Variants in RNF217 observed in about 807,000 individuals in gnomAD.
The protein encoded by RNF217 is ring finger protein 217, also known as E3 ubiquitin-protein ligase RNF217.
Under a neutral mutation model 57.8 loss-of-function variants are expected in RNF217, and 31 were observed. The ratio of observed to expected loss-of-function variants is 0.54; its 90% CI spans 0.40 to 0.72. The LOEUF (loss-of-function observed/expected upper bound fraction) is 0.72, where lower values mean the gene tolerates loss of function less well. Ranked by LOEUF, RNF217 falls within the 30% of genes least tolerant of loss-of-function variation. RNF217 has a pLI of 0.00. For missense variants in RNF217, 696 were observed against 708.3 expected (o/e 0.98, Z 0.20); for synonymous variants, 313 against 294.0 (o/e 1.06, Z -0.66).
At chr6:125,024,468 A>C (rs1022213355) in intron 1 of RNF217, among the ~76,000 whole-genome samples, 2 of 152,066 alleles carry the variant, frequency 1.3e-5, no homozygotes, top group Non-Finnish European at 2.9e-5. Context: ...CTGTAATCCC[A>C]GCACTTTGGG....
Position 125,088,011 on chromosome 6 carries a change from A to ATTCT in RNF217, c.*5077_*5080dup. 7.1e-6 allele frequency: 1 copy of ATTCT among 141,734 alleles called. No homozygotes were observed. The allele number at this position is 141,734 out of a possible 1,614,324, so 8.8% of individuals were successfully genotyped here. On this transcript the variant is annotated 3_prime_UTR_variant, in exon 6 of 6. Transcript: ENST00000521654. ...CCTAATATGGAAAATAAGTTACAAA[A>ATTCT]TTCTTTTTTTTTTTTTTTTTTTTTT...
intron 1 of RNF217, among the ~76,000 whole-genome samples, chr6:125,037,549 C>T (rs1786689576): frequency 6.6e-6 from 1 of 152,086 alleles, no homozygotes; most frequent in Non-Finnish European, 1.5e-5. Flanking sequence ...AGGCATCTAG[C>T]ACTAAGCCCT....
chr6:125,034,260 A>T (rs1413539081), intron 1 of RNF217, among the ~76,000 whole-genome samples: 1 of 152,106 alleles, frequency 6.6e-6, no homozygotes, highest in East Asian at 1.9e-4. Context: ...TTAGACATGA[A>T]GTCTTTGCCC....
intron 1 of RNF217, among the ~76,000 whole-genome samples, chr6:124,965,866 A>G (rs528822160): frequency 6.6e-6 from 1 of 152,288 alleles, no homozygotes; most frequent in East Asian, 1.9e-4. Flanking sequence ...TCTGTCTTAC[A>G]CTTAAGTAAT....
Position 125,064,947 on chromosome 6 carries a change from A to G in RNF217, c.1281+6841A>G, listed in dbSNP as rs117418347. On this transcript the variant is annotated intron_variant, in intron 3 of 5. Transcript: ENST00000521654. ...TAGAATTAGCTTCTGAATATAACCA[A>G]TCTCATCAATTTACACAGTAGTTAT... 2.0e-3 allele frequency among the ~76,000 whole-genome samples: 311 copies of G among 152,122 alleles called. 3 individuals are homozygous for G. Among genetic ancestry groups the G allele is most frequent in the Admixed American group, 3.1e-3 (48 of 15,268 alleles).
At chr6:125,002,348 G>A (rs1785021698) in intron 1 of RNF217, among the ~76,000 whole-genome samples, 1 of 152,158 alleles carries the variant, frequency 6.6e-6, no homozygotes, top group East Asian at 1.9e-4. Context: ...CTCGTCACAA[G>A]CTTCATGGTC....
chr6:125,084,832 C>A lies in RNF217; in HGVS notation c.*1895C>A, dbSNP rs1166142525. 6.6e-6 allele frequency: 1 copy of A among 151,778 alleles called. No homozygotes were observed. Among genetic ancestry groups the A allele is most frequent in the African/African-American group, 2.4e-5 (1 of 41,398 alleles). The allele number at this position is 151,778 out of a possible 1,614,324, so 9.4% of individuals were successfully genotyped here. On this transcript the variant is annotated 3_prime_UTR_variant, in exon 6 of 6. Transcript: ENST00000521654. ...TTTATCTTTTCATTCACCCATCCATCCATTTAACAGATATTTATTGAGTGC... is the reference window on the plus strand; with the variant it reads ...TTTATCTTTTCATTCACCCATCCATACATTTAACAGATATTTATTGAGTGC...
At chr6:125,015,649 G>T (rs1785573400) in intron 1 of RNF217, among the ~76,000 whole-genome samples, 1 of 151,654 alleles carries the variant, frequency 6.6e-6, no homozygotes, top group African/African-American at 2.4e-5. Context: ...ATATATATTG[G>T]TATTGCTACA....
chr6:125,046,647 T>C (rs541084571), intron 2 of RNF217: 1 of 455,898 alleles, frequency 2.2e-6, no homozygotes, highest in South Asian at 1.5e-5. Context: ...CTGTTTGGAG[T>C]CATCTCCATT....
At chr6:124,969,242 A>G (rs1448789258) in intron 1 of RNF217, among the ~76,000 whole-genome samples, 1 of 152,232 alleles carries the variant, frequency 6.6e-6, no homozygotes, top group African/African-American at 2.4e-5. Flanking sequence ...CTGGAAATAT[A>G]TTAGTAAATA....
rs1330453660 is a variant in RNF217, at chr6:125,083,104, A to G, written c.*167A>G. On this transcript the variant is annotated 3_prime_UTR_variant, in exon 6 of 6. Coordinates refer to ENST00000521654, the MANE Select transcript of RNF217 (RefSeq NM_001286398.3). ...TGCCTCTAGCTATGGTGCACTCCCAACATGGTATCCTGTCCTTTCCCTAAA... is the reference window on the plus strand; with the variant it reads ...TGCCTCTAGCTATGGTGCACTCCCAGCATGGTATCCTGTCCTTTCCCTAAA... 1.2e-5 allele frequency: 6 copies of G among 521,574 alleles called. No homozygotes were observed. Among genetic ancestry groups the G allele is most frequent in the Non-Finnish European group, 2.0e-5 (6 of 299,524 alleles). The allele number at this position is 521,574 out of a possible 1,614,324, so 32.3% of individuals were successfully genotyped here.
intron 3 of RNF217, among the ~76,000 whole-genome samples, chr6:125,075,959 A>G (rs1582780772): frequency 6.6e-6 from 1 of 152,172 alleles, no homozygotes; most frequent in East Asian, 1.9e-4. Context: ...TATATATGGT[A>G]TACATATATA....
intron 1 of RNF217, among the ~76,000 whole-genome samples, chr6:124,973,965 C>T (rs1212824564): frequency 1.3e-5 from 2 of 152,200 alleles, no homozygotes; most frequent in African/African-American, 4.8e-5. Context: ...CTGATGCCGG[C>T]CGTTGTCAGT....
chr6:125,026,460 CATCATT>C (rs1402496076), intron 1 of RNF217, among the ~76,000 whole-genome samples: 1 of 152,124 alleles, frequency 6.6e-6, no homozygotes, highest in African/African-American at 2.4e-5. Context: ...TCATCATCGT[CATCATT>C]ATCATTAAGT....
intron 1 of RNF217, among the ~76,000 whole-genome samples, chr6:125,036,872 T>C (rs1160970825): frequency 1.3e-5 from 2 of 148,384 alleles, no homozygotes; most frequent in Admixed American, 6.8e-5. Flanking sequence ...GATGCTTTTA[T>C]TATTTATTAT....
chr6:125,062,427 C>G (rs1787770950), intron 3 of RNF217, among the ~76,000 whole-genome samples: 1 of 151,848 alleles, frequency 6.6e-6, no homozygotes, highest in Non-Finnish European at 1.5e-5. Context: ...TACTTACTTA[C>G]AAGTATGATT....
chr6:124,970,819 A>G (rs1783733755), intron 1 of RNF217, among the ~76,000 whole-genome samples: 1 of 152,218 alleles, frequency 6.6e-6, no homozygotes, highest in Admixed American at 6.5e-5. Context: ...TTCGGCAAGA[A>G]GAGTACTGAG....
chr6:125,044,166 C>T (rs143073409), intron 1 of RNF217, among the ~76,000 whole-genome samples: 198 of 151,898 alleles, frequency 1.3e-3, no homozygotes, highest in Non-Finnish European at 2.1e-3. Flanking sequence ...ACTCCAAGTG[C>T]GCATGTTTTG....
At chr6:125,004,679 T>C (rs1785106930) in intron 1 of RNF217, among the ~76,000 whole-genome samples, 1 of 152,194 alleles carries the variant, frequency 6.6e-6, no homozygotes, top group Non-Finnish European at 1.5e-5. Flanking sequence ...TTTCACTTGT[T>C]GTTGAAAGGG....
Sources: gnomAD v4.1 joint callset for allele counts (sites outside exome capture counted in the v4.1 genomes callset) on GRCh38, gnomAD v4.1.1 for gene constraint, MANE v1.5 for transcripts, NCBI Gene and HGNC (gene_info 2026-07-23, HGNC 2026-07-21) for gene names.